Variants in LAMA3 observed in about 807,000 individuals in gnomAD.
The protein encoded by LAMA3 is laminin subunit alpha-3.
Under a neutral mutation model 402.0 loss-of-function variants are expected in LAMA3, and 281 were observed. The observed-to-expected ratio is 0.70, with a 90% CI of 0.63 to 0.77. The LOEUF (loss-of-function observed/expected upper bound fraction) is 0.77, where lower values mean the gene tolerates loss of function less well. Ranked by LOEUF, LAMA3 falls within the 30% of genes least tolerant of loss-of-function variation. The probability of loss-of-function intolerance (pLI) is 0.00; values close to 1 mark genes in which losing one functional copy is unlikely to be tolerated. For missense variants in LAMA3, 3,840 were observed against 4,215.5 expected, an observed-to-expected ratio of 0.91 and a Z score of 2.47; for synonymous variants, 1,431 against 1,558.4, an observed-to-expected ratio of 0.92 and a Z score of 1.93.
At chr18:23,802,795 T>C (rs1183591134) in intron 12 of LAMA3, among the ~76,000 whole-genome samples, 1 of 152,202 alleles carries the variant, frequency 6.6e-6, no homozygotes, top group East Asian at 1.9e-4. Context: ...AACTCGTGAA[T>C]CTTGGCTATC....
chr18:23,839,684 C>A lies in LAMA3; in HGVS notation c.3192-101C>A. 1.6e-6 allele frequency: 2 copies of A among 1,237,328 alleles called. No homozygotes were observed. The highest frequency in any genetic ancestry group is 2.4e-6 in the Non-Finnish European group (2 of 844,970). The allele number at this position is 1,237,328 out of a possible 1,614,324, so 76.6% of individuals were successfully genotyped here. ...CCCCCAGCACTGGATCCTTTTGATG[C>A]CCATGCAGTCCTATGCTCCAAGTCT... On this transcript the variant is annotated intron_variant, in intron 26 of 74. Coordinates refer to ENST00000313654, the MANE Select transcript of LAMA3 (RefSeq NM_198129.4). This position sits in a 1 kb window ranked among gnomAD's most constrained non-coding sequence, Gnocchi z 4.5.
At chr18:23,912,416 G>A (rs942883294) in intron 55 of LAMA3, among the ~76,000 whole-genome samples, 8 of 152,016 alleles carry the variant, frequency 5.3e-5, no homozygotes, top group African/African-American at 1.7e-4. Context: ...TCATATTATT[G>A]TCATTATCAT....
rs148785082 is a variant in LAMA3 at position 23,800,078 on chromosome 18, G to A, written c.1604-10288G>A. 1.9e-4 allele frequency among the ~76,000 whole-genome samples: 29 copies of A among 152,300 alleles called. No individual in the cohort carries two copies. The East Asian group carries it at 5.4e-3, about 28-fold the overall frequency. ...GCATTTGACCAAACATCTGGGCATC[G>A]TAGCCTAGTCAAGTTAACATGTAAA... On this transcript the variant is annotated intron_variant, in intron 12 of 74. Transcript: ENST00000313654.
intron 12 of LAMA3, among the ~76,000 whole-genome samples, chr18:23,786,347 A>G (rs1452614540): frequency 1.3e-5 from 2 of 152,128 alleles, no homozygotes; most frequent in Non-Finnish European, 2.9e-5. Context: ...ATATTTCTCA[A>G]CCTTCTGCAG....
intron 41 of LAMA3, among the ~76,000 whole-genome samples, 200 bp from the exon 42 acceptor site, chr18:23,889,811 C>A (rs1186591582): frequency 6.6e-6 from 1 of 152,074 alleles, no homozygotes; most frequent in Non-Finnish European, 1.5e-5. Flanking sequence ...TTACATGGAT[C>A]TTACTTCAGA....
At chr18:23,741,924 C>T (rs2061570225) in intron 2 of LAMA3, among the ~76,000 whole-genome samples, 1 of 152,014 alleles carries the variant, frequency 6.6e-6, no homozygotes, top group Non-Finnish European at 1.5e-5. Context: ...GAGTTCGAGA[C>T]CAGCCTGACC....
chr18:23,903,213 TG>T, intron 49 of LAMA3, 88 bp downstream of exon 49: 1 of 844,382 alleles, frequency 1.2e-6, no homozygotes. Context: ...CCTACTTTTT[TG>T]TTTATTCAAA....
Position 23,846,433 on chromosome 18 carries a change from C to T in LAMA3, c.3856C>T (p.Pro1286Ser). 3 of 1,613,892 alleles carry T rather than the reference C, an allele frequency of 1.9e-6. No individual in the cohort carries two copies. Among genetic ancestry groups the T allele is most frequent in the Non-Finnish European group, 2.5e-6 (3 of 1,180,018 alleles). Residue 1286 changes from proline to serine, a missense_variant, in exon 31 of 75, where the codon CCA (proline) becomes TCA (serine). Physicochemically the swap from Pro to Ser is moderately conservative, Grantham distance 74. Around this residue, in one of 3 missense-constraint regions of LAMA3, gnomAD observed 2,109 missense variants for 2,376.0 expected, o/e 0.89. Transcript: ENST00000313654. ...PHCSPEGGQC[P>S]CQPNVIGRQC... ...CTGCAGCCCTGAGGGTGGGCAGTGC[C>T]CATGCCAGCCCAACGTCATCGGGCG...
At chr18:23,817,615 T>G (rs2063201643) in intron 18 of LAMA3, among the ~76,000 whole-genome samples, 1 of 152,132 alleles carries the variant, frequency 6.6e-6, no homozygotes, top group Non-Finnish European at 1.5e-5. Context: ...CTCAGGAGGC[T>G]GAGGCAGGAG....
At chr18:23,718,598 G>T (rs62093349) in intron 2 of LAMA3, among the ~76,000 whole-genome samples, 1 of 152,176 alleles carries the variant, frequency 6.6e-6, no homozygotes, top group African/African-American at 2.4e-5. Flanking sequence ...AGAAGGTGAC[G>T]TTGCCCCTGC....
chr18:23,868,017 A>T (rs1421073489), intron 37 of LAMA3, 100 bp downstream of exon 37: 9 of 931,362 alleles, frequency 9.7e-6, no homozygotes, highest in Non-Finnish European at 1.4e-5. Context: ...TAAAATATGG[A>T]TTCTATTTAT....
Position 23,813,121 on chromosome 18 carries a change from G to T in LAMA3, c.1788+18G>T. 2 of 1,565,844 alleles carry T rather than the reference G, an allele frequency of 1.3e-6. No individual in the cohort carries two copies. Among genetic ancestry groups the T allele is most frequent in the East Asian group, 2.2e-5 (1 of 44,642 alleles). On this transcript the variant is annotated intron_variant, in intron 14 of 74. Coordinates refer to ENST00000313654, the MANE Select transcript of LAMA3 (RefSeq NM_198129.4). ...CCAATTTGGTAAGTAGACTATAAAAGGGTTGCAATTCTAACTATCTCTATT... is the reference window on the plus strand; with the variant it reads ...CCAATTTGGTAAGTAGACTATAAAATGGTTGCAATTCTAACTATCTCTATT...
intron 18 of LAMA3, among the ~76,000 whole-genome samples, chr18:23,817,774 G>A (rs2063205802): frequency 6.6e-6 from 1 of 152,142 alleles, no homozygotes; most frequent in South Asian, 2.1e-4. Flanking sequence ...TGGGGGCTTG[G>A]AGTAAAAGAT....
rs1320717093 is a variant in LAMA3, at chr18:23,954,729, AT to A, written c.*83del. 1 of 1,437,418 alleles carries A rather than the reference AT, an allele frequency of 7.0e-7. No homozygotes were observed. Among genetic ancestry groups the A allele is most frequent in the African/African-American group, 1.4e-5 (1 of 71,248 alleles). The allele number at this position is 1,437,418 out of a possible 1,614,324, so 89.0% of individuals were successfully genotyped here. A position where few individuals can be genotyped will look rare whatever the true frequency, so the allele number is the denominator to read the frequency against. On this transcript the variant is annotated 3_prime_UTR_variant, in exon 75 of 75. Transcript: ENST00000313654. Reference sequence around the variant, plus strand: ...GCACCTCCCTCCCCAGCTCGAGATCATTCTTCACTCAGGACACAAACCAGAC... The same window carrying A: ...GCACCTCCCTCCCCAGCTCGAGATCATCTTCACTCAGGACACAAACCAGAC...
At chr18:23,833,387 A>T (rs2063521976) in intron 23 of LAMA3, among the ~76,000 whole-genome samples, 1 of 65,798 alleles carries the variant, frequency 1.5e-5, no homozygotes. Context: ...ACAATTTAAA[A>T]CTTATTAAAA....
intron 62 of LAMA3, among the ~76,000 whole-genome samples, chr18:23,925,859 C>T (rs1342418181): frequency 6.6e-6 from 1 of 152,206 alleles, no homozygotes; most frequent in Non-Finnish European, 1.5e-5. Context: ...TGATCACTTC[C>T]AAGTGCTGCA....
chr18:23,748,085 A>G (rs1203733908), intron 3 of LAMA3, 25 bp downstream of exon 3: 1 of 1,206,548 alleles, frequency 8.3e-7, no homozygotes, highest in South Asian at 1.2e-5. Context: ...CTACCATGTT[A>G]TGCATGGCTT....
intron 1 of LAMA3, among the ~76,000 whole-genome samples, chr18:23,703,052 C>A (rs529487703): frequency 6.6e-6 from 1 of 152,352 alleles, no homozygotes; most frequent in South Asian, 2.1e-4. Context: ...TCTATGACTG[C>A]TGCAGCACTG....
intron 20 of LAMA3, 45 bp from the exon 21 acceptor site, chr18:23,824,374 CACTG>C (rs772542913): frequency 1.9e-6 from 3 of 1,599,176 alleles, no homozygotes; most frequent in South Asian, 1.1e-5. Flanking sequence ...AAAATCATAA[CACTG>C]ACTGATAGAA....
Sources: gnomAD v4.1 joint callset for allele counts (sites outside exome capture counted in the v4.1 genomes callset) on GRCh38, gnomAD v4.1.1 for gene constraint, gnomAD v4.1.1 regional missense constraint, Gnocchi (gnomAD v3.1) non-coding constraint, MANE v1.5 for transcripts, NCBI Gene and HGNC (gene_info 2026-07-23, HGNC 2026-07-21) for gene names.